The following CCDC181 variants were observed in gnomAD, a reference collection of about 807,000 sequenced individuals.
The protein encoded by CCDC181 is coiled-coil domain containing 181.
In CCDC181, 35 loss-of-function variants were observed where a neutral mutation model predicts 58.7. That is an observed-to-expected ratio of 0.60 (90% CI 0.46 to 0.79). The LOEUF is 0.79. Ranked by LOEUF, CCDC181 falls within the 30% of genes least tolerant of loss-of-function variation. CCDC181 has a pLI of 0.00. For synonymous variants in CCDC181, 183 were observed against 197.5 expected, an observed-to-expected ratio of 0.93 and a Z score of 0.62; for missense variants, 517 against 583.9, an observed-to-expected ratio of 0.89 and a Z score of 1.18.
chr1:169,398,647 A>G (rs950331613), intron 4 of CCDC181, among the ~76,000 whole-genome samples: 3 of 152,162 alleles, frequency 2.0e-5, no homozygotes, highest in Non-Finnish European at 4.4e-5. Flanking sequence ...TAAAATTTAA[A>G]CTTCAGTTTC....
chr1:169,458,190 T>TG (rs1657732460), intron 2 of CCDC181, among the ~76,000 whole-genome samples: 1 of 56,198 alleles, frequency 1.8e-5, no homozygotes, highest in African/African-American at 4.4e-5. Context: ...TTTTTTTTTG[T>TG]TTTGTTTTTT....
At chr1:169,429,387 C>T (rs1046642331), upstream of CCDC181, among the ~76,000 whole-genome samples, 16 of 152,172 alleles carry the variant, frequency 1.1e-4, no homozygotes, top group African/African-American at 3.6e-4. Flanking sequence ...CACTGTTTTC[C>T]ATAGTGATTG....
At chr1:169,407,871 G>A (rs900639806) in intron 4 of CCDC181, among the ~76,000 whole-genome samples, 30 of 152,184 alleles carry the variant, frequency 2.0e-4, no homozygotes, top group Non-Finnish European at 4.1e-4. Context: ...GTGAGGGACT[G>A]TGCTACGAGG....
At chr1:169,417,391 T>A (rs1323699191) in intron 4 of CCDC181, among the ~76,000 whole-genome samples, 5 of 152,108 alleles carry the variant, frequency 3.3e-5, no homozygotes, top group Non-Finnish European at 7.4e-5. Flanking sequence ...AGGAAACACA[T>A]TTACAAGTTT....
upstream of CCDC181, among the ~76,000 whole-genome samples, chr1:169,431,838 C>G (rs549148834): frequency 6.6e-6 from 1 of 152,300 alleles, no homozygotes; most frequent in African/African-American, 2.4e-5. Flanking sequence ...GATGCAAACA[C>G]AGAGGTAGCC....
chr1:169,405,777 T>C (rs986462401), intron 4 of CCDC181, among the ~76,000 whole-genome samples: 6 of 152,056 alleles, frequency 3.9e-5, no homozygotes, highest in African/African-American at 9.7e-5. Flanking sequence ...ACAAAAGCAA[T>C]GGCAACAAAA....
At chr1:169,449,625 A>C (rs1657477213) in intron 2 of CCDC181, among the ~76,000 whole-genome samples, 1 of 152,194 alleles carries the variant, frequency 6.6e-6, no homozygotes, top group Non-Finnish European at 1.5e-5. Flanking sequence ...CTGGCAAACC[A>C]ATGGTGTAGG....
At chr1:169,413,957 G>A (rs1223508225) in intron 4 of CCDC181, among the ~76,000 whole-genome samples, 1 of 151,930 alleles carries the variant, frequency 6.6e-6, no homozygotes, top group Non-Finnish European at 1.5e-5. Flanking sequence ...ACCATGGCAC[G>A]TGTCTACTTA....
At chr1:169,407,057 G>GAAAAAAAAAAAAAAAAAAA (rs33976978) in intron 4 of CCDC181, among the ~76,000 whole-genome samples, 2 of 118,934 alleles carry the variant, frequency 1.7e-5, no homozygotes, top group African/African-American at 3.3e-5. Flanking sequence ...AGATGAGGCA[G>GAAAAAAAAAAAAAAAAAAA]AAAAAAAAAA....
Position 169,404,204 on chromosome 1 carries a change from C to T in CCDC181, c.1216-6813G>A, listed in dbSNP as rs55699328. On this transcript the variant is annotated intron_variant, in intron 4 of 5. Coordinates refer to ENST00000367806, the MANE Select transcript of CCDC181 (RefSeq NM_001300969.2). ...CAACCAAAAAAAGTCCAGGACCAGA[C>T]AGATTCACAGCCAAATTCTACCAGA... is the stretch of plus-strand genomic sequence containing the variant. 9.1e-3 allele frequency among the ~76,000 whole-genome samples: 1,382 copies of T among 152,202 alleles called. 30 individuals carry two copies. Among genetic ancestry groups the T allele is most frequent in the African/African-American group, 0.032 (1,319 of 41,522 alleles).
At chr1:169,457,338 C>G (rs1657701562) in intron 2 of CCDC181, among the ~76,000 whole-genome samples, 1 of 152,060 alleles carries the variant, frequency 6.6e-6, no homozygotes, top group South Asian at 2.1e-4. Flanking sequence ...TCCATTCTAT[C>G]TATTCATTCC....
intron 2 of CCDC181, among the ~76,000 whole-genome samples, chr1:169,454,102 C>T (rs1229300988): frequency 6.6e-6 from 1 of 151,974 alleles, no homozygotes; most frequent in Non-Finnish European, 1.5e-5. Flanking sequence ...AGAATGTACT[C>T]ATTATAAAAC....
At chr1:169,395,907 A>G (rs1228588588) in intron 5 of CCDC181, 1 of 151,534 alleles carries the variant, frequency 6.6e-6, no homozygotes, top group Non-Finnish European at 1.5e-5. Flanking sequence ...AAACAACTAA[A>G]TAACTGTATT....
chr1:169,395,121 G>A lies in CCDC181; in HGVS notation c.1456C>T (p.Arg486Cys), dbSNP rs950698632. 1.3e-5 allele frequency: 21 copies of A among 1,613,410 alleles called. No individual in the cohort carries two copies. The highest frequency in any genetic ancestry group is 2.7e-5 in the African/African-American group (2 of 74,858). The change falls in exon 6 of 6, where the codon CGT becomes TGT. Residue 486 changes from arginine (R) to cysteine (C), a missense_variant. Physicochemically the swap from Arg to Cys is radical, Grantham distance 180 (BLOSUM62 -3). Coordinates refer to ENST00000367806, the MANE Select transcript of CCDC181 (RefSeq NM_001300969.2). ...RTRQLRLEAK[R>C]SKQLQHHLYM... ...AGGTGGTGCTGTAACTGTTTAGAAC[G>A]CTTAGCTTCTAGTCGGAGCTGTCTA... is the stretch of plus-strand genomic sequence containing the variant.
At chr1:169,417,703 C>T (rs1656275592) in intron 4 of CCDC181, among the ~76,000 whole-genome samples, 1 of 152,184 alleles carries the variant, frequency 6.6e-6, no homozygotes, top group Non-Finnish European at 1.5e-5. Flanking sequence ...CAGCACCTAA[C>T]CAGGAGCCCA....
chr1:169,451,540 C>T (rs1657539324), intron 2 of CCDC181, among the ~76,000 whole-genome samples: 1 of 152,004 alleles, frequency 6.6e-6, no homozygotes, highest in Non-Finnish European at 1.5e-5. Context: ...GACAAAGTGA[C>T]AGCAAACTGT....
chr1:169,453,863 C>T (rs1657615998), intron 2 of CCDC181, among the ~76,000 whole-genome samples: 1 of 151,788 alleles, frequency 6.6e-6, no homozygotes, highest in African/African-American at 2.4e-5. Flanking sequence ...TCTATTAAGA[C>T]ACTTGCATAG....
At chr1:169,399,550 G>C (rs945702279) in intron 4 of CCDC181, among the ~76,000 whole-genome samples, 8 of 152,092 alleles carry the variant, frequency 5.3e-5, no homozygotes, top group Admixed American at 2.0e-4. Context: ...ACTCTCAATA[G>C]TGGAGGGAAC....
In CCDC181 at chr1:169,421,951, A is replaced by C; in HGVS notation, c.480T>G (p.Asp160Glu). Reference sequence around the variant, plus strand: ...TGTCTTCTAGTGGAGGAACTTCCAAATCAACTAACTGGTCCTTGAACTTAA... The same window carrying C: ...TGTCTTCTAGTGGAGGAACTTCCAACTCAACTAACTGGTCCTTGAACTTAA... ...RKLKFKDQLV[D>E]LEVPPLEDTT... Residue 160 changes from aspartate (D) to glutamate (E), a missense_variant, in exon 3 of 6, where the codon GAT (aspartate) becomes GAG (glutamate). Transcript: ENST00000367806. The C allele has an allele frequency of 6.2e-7, 1 of 1,614,018 alleles. No homozygotes were observed. Among genetic ancestry groups the C allele is most frequent in the Non-Finnish European group, 8.5e-7 (1 of 1,179,970 alleles).
Sources: gnomAD v4.1 joint callset for allele counts (sites outside exome capture counted in the v4.1 genomes callset) on GRCh38, gnomAD v4.1.1 for gene constraint, MANE v1.5 for transcripts, NCBI Gene and HGNC (gene_info 2026-07-23, HGNC 2026-07-21) for gene names.